Variants in ARSK observed in about 807,000 individuals in gnomAD.
ARSK encodes the protein arylsulfatase family member K, also known as arylsulfatase K.
Under a neutral mutation model 53.2 loss-of-function variants are expected in ARSK, and 37 were observed. The observed-to-expected ratio is 0.70, with a 90% confidence interval of 0.54 to 0.92. The LOEUF (loss-of-function observed/expected upper bound fraction) is 0.92, where lower values mean the gene tolerates loss of function less well. ARSK is among the 40% of genes least tolerant of loss of function. The probability of loss-of-function intolerance (pLI) is 0.00; values close to 1 mark genes in which losing one functional copy is unlikely to be tolerated. For missense variants in ARSK, 613 were observed against 643.0 expected (o/e 0.95, Z 0.51); for synonymous variants, 208 against 223.2 (o/e 0.93, Z 0.61).
Position 95,563,928 on chromosome 5 carries a change from T to C in ARSK, c.127-2070T>C, listed in dbSNP as rs189167932. On this transcript the variant is annotated intron_variant, in intron 1 of 7. Transcript: ENST00000380009. ...TTGTGAGGATAAATTTCTGAGAATT[T>C]GAATTTAAGGGCTTAAAGAAATTCT... 1.6e-3 allele frequency among the ~76,000 whole-genome samples: 236 copies of C among 152,172 alleles called. 3 individuals are homozygous for C. Among genetic ancestry groups the C allele is most frequent in the African/African-American group, 5.5e-3 (230 of 41,476 alleles).
intron 3 of ARSK, among the ~76,000 whole-genome samples, chr5:95,572,465 C>T (rs763114564): frequency 1.6e-4 from 25 of 152,304 alleles, no homozygotes; most frequent in Non-Finnish European, 3.1e-4. Flanking sequence ...TTCAAATTTG[C>T]TGTCTTCTTA....
intron 2 of ARSK, among the ~76,000 whole-genome samples, chr5:95,566,526 C>T (rs1748729148): frequency 1.3e-5 from 2 of 152,128 alleles, no homozygotes; most frequent in African/African-American, 4.8e-5. Flanking sequence ...AAAGTAGTTA[C>T]AACTTATATT....
intron 3 of ARSK, among the ~76,000 whole-genome samples, chr5:95,578,310 C>CCCAGTGAA (rs1245975543): frequency 6.6e-6 from 1 of 151,406 alleles, no homozygotes; most frequent in Non-Finnish European, 1.5e-5. Flanking sequence ...TACCGCCATG[C>CCCAGTGAA]CCAGTGAAGA....
intron 6 of ARSK, among the ~76,000 whole-genome samples, chr5:95,599,064 T>G (rs1040429912): frequency 6.6e-6 from 1 of 152,212 alleles, no homozygotes; most frequent in Non-Finnish European, 1.5e-5. Context: ...CACAGCTGTT[T>G]CTGTCTGCCC....
chr5:95,563,285 C>T (rs909255826), intron 1 of ARSK, among the ~76,000 whole-genome samples: 2 of 152,140 alleles, frequency 1.3e-5, no homozygotes, highest in Admixed American at 1.3e-4. Context: ...AATTGATATG[C>T]TTAATCCAGT....
chr5:95,584,809 G>T (rs539585915), intron 4 of ARSK, among the ~76,000 whole-genome samples: 2 of 152,118 alleles, frequency 1.3e-5, no homozygotes, highest in African/African-American at 4.8e-5. Flanking sequence ...TCAGGAGTTC[G>T]AGACCAGCCA....
Position 95,567,998 on chromosome 5 carries a change from G to A in ARSK, c.365G>A (p.Arg122Gln), listed in dbSNP as rs760391670. 16 of 1,613,582 alleles carry A rather than the reference G, an allele frequency of 9.9e-6. No homozygotes were observed. Among genetic ancestry groups the A allele is most frequent in the Admixed American group, 1.7e-5 (1 of 59,960 alleles). ...WMDVMERHGY[R>Q]TQKFGKLDYT... ...GATGTCATGGAGAGGCATGGCTACC[G>A]AACACAGAAATTTGGGAAACTGGAC... The change falls in exon 3 of 8, where the codon CGA becomes CAA. Residue 122 changes from arginine (R) to glutamine (Q), a missense_variant. Arg to Gln is a conservative substitution (Grantham distance 43, BLOSUM62 1). Coordinates refer to ENST00000380009, the MANE Select transcript of ARSK (RefSeq NM_198150.3).
At chr5:95,594,320 G>T (rs1486979657) in intron 6 of ARSK, among the ~76,000 whole-genome samples, 1 of 152,110 alleles carries the variant, frequency 6.6e-6, no homozygotes, top group Non-Finnish European at 1.5e-5. Context: ...AATGATAAAG[G>T]TTTAATATTC....
At chr5:95,598,741 C>T (rs558207877) in intron 6 of ARSK, among the ~76,000 whole-genome samples, 1 of 152,170 alleles carries the variant, frequency 6.6e-6, no homozygotes, top group Non-Finnish European at 1.5e-5. Flanking sequence ...TCTTCCCCAA[C>T]TCATCTCTTA....
At chr5:95,595,830 G>A (rs542207612) in intron 6 of ARSK, among the ~76,000 whole-genome samples, 27 of 151,606 alleles carry the variant, frequency 1.8e-4, no homozygotes, top group Admixed American at 1.3e-4. Flanking sequence ...AATGTAAAAC[G>A]TTGAAAAAAA....
At chr5:95,601,186 C>G in intron 7 of ARSK, 115 bp downstream of exon 7, 1 of 1,005,090 alleles carries the variant, frequency 9.9e-7, no homozygotes, top group Non-Finnish European at 1.5e-6. Flanking sequence ...TGCTGCTTCT[C>G]ATGCTAGGAC....
chr5:95,591,346 T>C, intron 5 of ARSK, 55 bp from the exon 6 acceptor site: 1 of 1,432,670 alleles, frequency 7.0e-7, no homozygotes, highest in Non-Finnish European at 9.8e-7. Flanking sequence ...CTTAATGTGA[T>C]AGAATAAAAC....
intron 5 of ARSK, among the ~76,000 whole-genome samples, chr5:95,588,154 C>G (rs1749152905): frequency 6.6e-6 from 1 of 152,032 alleles, no homozygotes; most frequent in Non-Finnish European, 1.5e-5. Context: ...GGGAATACTA[C>G]TCTTGATGTC....
intron 1 of ARSK, among the ~76,000 whole-genome samples, chr5:95,561,327 A>G (rs1748632589): frequency 6.6e-6 from 1 of 152,230 alleles, no homozygotes; most frequent in South Asian, 2.1e-4. Flanking sequence ...AGGATCACGC[A>G]GCCATTGGAA....
In ARSK at chr5:95,567,953, C is replaced by T. The variant is rs756938553; in HGVS notation, c.320C>T (p.Pro107Leu). The T allele has an allele frequency of 2.5e-6, 4 of 1,613,212 alleles. No homozygotes were observed. In the East Asian group the frequency reaches 6.7e-5, roughly 27 times the overall value. Residue 107 changes from proline (P) to leucine (L), a missense_variant, in exon 3 of 8, where the codon CCA (proline) becomes CTA (leucine). Coordinates refer to ENST00000380009, the MANE Select transcript of ARSK (RefSeq NM_198150.3). ...ESWNNFKGLD[P>L]NYTTWMDVME... Reference sequence around the variant, plus strand: ...TGGAATAATTTTAAGGGTCTAGATCCAAATTATACAACATGGATGGATGTC... The same window carrying T: ...TGGAATAATTTTAAGGGTCTAGATCTAAATTATACAACATGGATGGATGTC...
chr5:95,572,483 A>T (rs902749921), intron 3 of ARSK, among the ~76,000 whole-genome samples: 2 of 152,250 alleles, frequency 1.3e-5, no homozygotes, highest in Non-Finnish European at 2.9e-5. Flanking sequence ...TTATCAATTG[A>T]AAGAAAACAT....
chr5:95,571,042 A>G (rs944061337), intron 3 of ARSK, among the ~76,000 whole-genome samples: 3 of 152,330 alleles, frequency 2.0e-5, no homozygotes, highest in Admixed American at 6.5e-5. Context: ...AGGCCTCCCA[A>G]AGTGTTGGGA....
intron 1 of ARSK, among the ~76,000 whole-genome samples, chr5:95,564,461 A>G (rs1360848789): frequency 1.3e-5 from 2 of 152,154 alleles, no homozygotes; most frequent in African/African-American, 4.8e-5. Flanking sequence ...CTAACACACC[A>G]TTCTCTAACA....
In ARSK at chr5:95,580,049, G is replaced by A. The variant is rs141523891; in HGVS notation, c.417-2867G>A. ...GTACTACACTTTGAGAGATGCTGGC[G>A]TAGAGGAAACTATACATTGTATAGC... On this transcript the variant is annotated intron_variant, in intron 3 of 7. Coordinates refer to ENST00000380009, the MANE Select transcript of ARSK (RefSeq NM_198150.3). Among the ~76,000 whole-genome samples the A allele has an allele frequency of 3.9e-3, 595 of 152,294 alleles. 4 individuals are homozygous for A. The highest frequency in any genetic ancestry group is 6.6e-3 in the South Asian group (32 of 4,824).
Sources: allele counts gnomAD v4.1 joint callset (sites outside exome capture counted in the v4.1 genomes callset), GRCh38; gene constraint gnomAD v4.1.1; transcripts MANE v1.5; gene names NCBI Gene and HGNC (gene_info 2026-07-23, HGNC 2026-07-21).